CLIC5: variants seen among roughly 807,000 people sequenced by gnomAD.
CLIC5 encodes the protein chloride intracellular channel protein 5.
CLIC5 carries 20 observed loss-of-function variants against 24.7 expected under a neutral mutation model. The observed-to-expected ratio is 0.81, with a 90% CI of 0.57 to 1.18. The LOEUF (loss-of-function observed/expected upper bound fraction) is 1.18. Among genes scored for constraint, CLIC5 ranks in the 50% most tolerant of loss-of-function variants. The probability of loss-of-function intolerance (pLI) is 0.00; values close to 1 mark genes in which losing one functional copy is unlikely to be tolerated. For synonymous variants in CLIC5, 159 were observed against 135.6 expected, an observed-to-expected ratio of 1.17 and a Z score of -1.20; for missense variants, 341 against 326.1, an observed-to-expected ratio of 1.05 and a Z score of -0.35.
intron 1 of CLIC5, among the ~76,000 whole-genome samples, chr6:45,963,381 G>T (rs1764915028): frequency 6.6e-6 from 1 of 152,138 alleles, no homozygotes; most frequent in Admixed American, 6.5e-5. Context: ...CTCTGCTGTT[G>T]CTATCCTGAA....
intron 1 of CLIC5, among the ~76,000 whole-genome samples, chr6:46,034,095 C>A (rs1562016152): frequency 6.6e-6 from 1 of 152,224 alleles, no homozygotes; most frequent in Non-Finnish European, 1.5e-5. Context: ...GTGTCTGGAT[C>A]TTAAAATACC....
At chr6:46,127,158 T>C in the CLIC5 span, among the ~76,000 whole-genome samples, 1 of 152,230 alleles carries the variant, frequency 6.6e-6, no homozygotes, top group East Asian at 1.9e-4. Context: ...TTACATGCAT[T>C]GAACGTGTAA....
rs573317091 is a variant in CLIC5, at chr6:46,079,244, G to T, written c.540+459C>A. 3.3e-5 allele frequency among the ~76,000 whole-genome samples: 5 copies of T among 152,330 alleles called. No individual in the cohort carries two copies. In the South Asian group the frequency reaches 1.0e-3, roughly 32 times the overall value. On this transcript the variant is annotated intron_variant, in intron 1 of 5. Transcript: ENST00000185206. ...AGTTATATTGGTGCCAAAGGGGCAA[G>T]CTAGTGACAGAGATAGCCTTTATTG...
intron 1 of CLIC5, among the ~76,000 whole-genome samples, chr6:45,968,151 G>A (rs1442488050): frequency 6.6e-6 from 1 of 152,140 alleles, no homozygotes; most frequent in East Asian, 1.9e-4. Context: ...CTCATCTTCT[G>A]GGGGTCTCTG....
chr6:46,037,651 G>C (rs1049341235), intron 1 of CLIC5, among the ~76,000 whole-genome samples: 3 of 152,204 alleles, frequency 2.0e-5, no homozygotes, highest in Non-Finnish European at 4.4e-5. Flanking sequence ...TGAATCAGGT[G>C]TCATTTAATG....
At chr6:45,940,960 C>A (rs1209793761) in intron 4 of CLIC5, among the ~76,000 whole-genome samples, 3 of 152,202 alleles carry the variant, frequency 2.0e-5, no homozygotes, top group Non-Finnish European at 4.4e-5. Context: ...AGAACCAAGT[C>A]CTGAATTCTG....
At chr6:45,947,242 G>A (rs977151094) in intron 3 of CLIC5, among the ~76,000 whole-genome samples, 10 of 152,230 alleles carry the variant, frequency 6.6e-5, no homozygotes, top group Non-Finnish European at 1.2e-4. Context: ...CCCTGAGTTA[G>A]AGAAGCAGCC....
chr6:45,912,320 G>C (rs565751731), intron 5 of CLIC5: 92 of 1,006,924 alleles, frequency 9.1e-5, no homozygotes, highest in Non-Finnish European at 1.0e-4. Context: ...TTGATCTCCA[G>C]CTTCTCTGGG....
chr6:45,906,744 T>C (rs1450736211), intron 5 of CLIC5, among the ~76,000 whole-genome samples: 3 of 152,152 alleles, frequency 2.0e-5, no homozygotes, highest in African/African-American at 7.2e-5. Flanking sequence ...GTGTTTTTAG[T>C]AGAGACAGAG....
intron 1 of CLIC5, among the ~76,000 whole-genome samples, chr6:45,979,856 T>C (rs1424591221): frequency 6.6e-6 from 1 of 152,148 alleles, no homozygotes; most frequent in Non-Finnish European, 1.5e-5. Flanking sequence ...TCTCTGTTGA[T>C]AGTTTCTTTT....
chr6:46,038,965 A>G (rs1020515142), intron 1 of CLIC5, among the ~76,000 whole-genome samples: 9 of 152,232 alleles, frequency 5.9e-5, no homozygotes, highest in Admixed American at 1.3e-4. Context: ...TGTACTATGG[A>G]GATAAGAATA....
At chr6:45,998,491 C>T (rs1189316629) in intron 1 of CLIC5, among the ~76,000 whole-genome samples, 5 of 152,158 alleles carry the variant, frequency 3.3e-5, no homozygotes, top group South Asian at 2.1e-4. Flanking sequence ...CCTGAGGACT[C>T]GAGTCCGCAA....
In CLIC5 at chr6:45,930,182, C is replaced by T. The variant is rs570486085; in HGVS notation, c.406+11365G>A. On this transcript the variant is annotated intron_variant, in intron 4 of 5. Transcript: ENST00000339561. ...CCAGCAGCAGTGGCTTTCATGACGC[C>T]TGGGGGAAAGCACAGGGCCTTTGAT... Among the ~76,000 whole-genome samples, 11 of 152,300 alleles carry T rather than the reference C, an allele frequency of 7.2e-5. No homozygotes were observed. The South Asian group carries it at 2.3e-3, about 32-fold the overall frequency.
At chr6:46,117,885 T>C in the CLIC5 span, among the ~76,000 whole-genome samples, 4 of 152,324 alleles carry the variant, frequency 2.6e-5, no homozygotes, top group Admixed American at 1.3e-4. Context: ...TTTTTAGTGG[T>C]ATATAAAATA....
At chr6:45,967,222 C>A (rs896735085) in intron 1 of CLIC5, among the ~76,000 whole-genome samples, 1 of 152,230 alleles carries the variant, frequency 6.6e-6, no homozygotes, top group Non-Finnish European at 1.5e-5. Context: ...CAGGGTGGAT[C>A]CACACAGCCA....
chr6:45,951,121 T>C (rs1158656915), intron 2 of CLIC5, among the ~76,000 whole-genome samples: 2 of 152,172 alleles, frequency 1.3e-5, no homozygotes, highest in African/African-American at 4.8e-5. Context: ...CATACATATA[T>C]ATGTAATAGG....
At chr6:46,049,255 C>T (rs960437653) in intron 1 of CLIC5, among the ~76,000 whole-genome samples, 1 of 152,106 alleles carries the variant, frequency 6.6e-6, no homozygotes, top group Admixed American at 6.5e-5. Flanking sequence ...AGGTTTCATC[C>T]TTTAAATAAT....
chr6:46,037,868 T>G (rs1291410781), intron 1 of CLIC5, among the ~76,000 whole-genome samples: 1 of 152,098 alleles, frequency 6.6e-6, no homozygotes, highest in Non-Finnish European at 1.5e-5. Flanking sequence ...GGATTGGTAT[T>G]TGGTTACAGG....
chr6:46,101,906 T>C, the CLIC5 span, among the ~76,000 whole-genome samples: 2 of 151,846 alleles, frequency 1.3e-5, no homozygotes, highest in Non-Finnish European at 2.9e-5. Context: ...CATTACACCA[T>C]TCCTGGGGGA....
Sources: allele counts gnomAD v4.1 joint callset (sites outside exome capture counted in the v4.1 genomes callset), GRCh38; gene constraint gnomAD v4.1.1; transcripts MANE v1.5; gene names NCBI Gene and HGNC (gene_info 2026-07-23, HGNC 2026-07-21).